Variants in SLC4A4 observed in about 807,000 individuals in gnomAD.
SLC4A4 encodes the protein electrogenic sodium bicarbonate cotransporter 1.
In SLC4A4, 27 loss-of-function variants were observed where a neutral mutation model predicts 111.5. The observed-to-expected ratio is 0.24, with a 90% CI of 0.18 to 0.33. The LOEUF (loss-of-function observed/expected upper bound fraction) is 0.33, where lower values mean the gene tolerates loss of function less well. Ranked by LOEUF, SLC4A4 falls within the 10% of genes least tolerant of loss-of-function variation. The pLI is 1.00. For synonymous variants in SLC4A4, 443 were observed against 463.4 expected, an observed-to-expected ratio of 0.96 and a Z score of 0.57; for missense variants, 909 against 1,315.5, an observed-to-expected ratio of 0.69 and a Z score of 4.78.
chr4:71,459,859 G>T (rs573124510), intron 12 of SLC4A4, among the ~76,000 whole-genome samples: 1 of 151,880 alleles, frequency 6.6e-6, no homozygotes, highest in African/African-American at 2.4e-5. Flanking sequence ...ATTTTTTGTC[G>T]TTCTGTGGGT....
intron 3 of SLC4A4, among the ~76,000 whole-genome samples, chr4:71,306,851 T>C (rs1725731157): frequency 6.6e-6 from 1 of 152,206 alleles, no homozygotes; most frequent in African/African-American, 2.4e-5. Context: ...GATGTTGCTT[T>C]TTCTTCGCCT....
At chr4:71,289,267 A>G (rs1411386509) in intron 3 of SLC4A4, among the ~76,000 whole-genome samples, 1 of 152,228 alleles carries the variant, frequency 6.6e-6, no homozygotes, top group African/African-American at 2.4e-5. Flanking sequence ...TTTTTATTGA[A>G]GAAAATGGGA....
intron 1 of SLC4A4, among the ~76,000 whole-genome samples, chr4:71,217,244 G>A (rs936603996): frequency 4.6e-5 from 7 of 152,128 alleles, no homozygotes; most frequent in Non-Finnish European, 8.8e-5. Context: ...GCAGTATAAT[G>A]GAGCAATAAA....
chr4:71,393,684 CA>C (rs1201629651), intron 6 of SLC4A4, among the ~76,000 whole-genome samples: 4 of 151,232 alleles, frequency 2.6e-5, no homozygotes, highest in South Asian at 2.1e-4. Context: ...CATATGGGAC[CA>C]AAAAAAAGCC....
chr4:71,425,731 G>T (rs1352637465), intron 7 of SLC4A4, among the ~76,000 whole-genome samples: 1 of 151,994 alleles, frequency 6.6e-6, no homozygotes. Flanking sequence ...GGTCATAGAT[G>T]GATTCCAAGA....
rs1223505841 is a variant in SLC4A4, at chr4:71,103,126, T to C, written c.-2+10334T>C. On this transcript the variant is annotated intron_variant, in intron 2 of 26. Transcript: ENST00000649996. ...AAAAGGCAGGGGTTGCAATCCTAGT[T>C]TCTGATAAAACAGACTTTAAACCAA... Among the ~76,000 whole-genome samples the C allele has an allele frequency of 6.6e-5, 10 of 151,568 alleles. No individual in the cohort carries two copies. The East Asian group carries it at 7.8e-4, about 12-fold the overall frequency.
intron 1 of SLC4A4, among the ~76,000 whole-genome samples, chr4:71,198,541 G>A (rs1265585846): frequency 1.3e-5 from 2 of 152,170 alleles, no homozygotes; most frequent in Admixed American, 1.3e-4. Context: ...AGAACACACA[G>A]AAAGTTATTT....
chr4:71,296,140 C>A (rs372552391), intron 3 of SLC4A4, among the ~76,000 whole-genome samples: 2 of 151,404 alleles, frequency 1.3e-5, no homozygotes, highest in East Asian at 3.9e-4. Context: ...CTTTTTATAC[C>A]TTATACAAAT....
chr4:71,086,598 A>G (rs1018576384), intron 1 of SLC4A4, among the ~76,000 whole-genome samples: 6 of 152,132 alleles, frequency 3.9e-5, no homozygotes, highest in Non-Finnish European at 8.8e-5. Flanking sequence ...TAATTTATTG[A>G]GAGTTTTTAG....
At chr4:71,146,610 T>A (rs991337045) in intron 2 of SLC4A4, among the ~76,000 whole-genome samples, 4 of 152,170 alleles carry the variant, frequency 2.6e-5, no homozygotes, top group African/African-American at 9.7e-5. Flanking sequence ...ACTAAGGACT[T>A]GCTTTATGAA....
At chr4:71,264,785 TA>T (rs1722114421) in intron 3 of SLC4A4, among the ~76,000 whole-genome samples, 3 of 152,260 alleles carry the variant, frequency 2.0e-5, no homozygotes, top group Admixed American at 6.5e-5. Flanking sequence ...GATTTTAGAT[TA>T]TTTTTTATTG....
chr4:71,203,561 G>A (rs1746352301), intron 1 of SLC4A4, among the ~76,000 whole-genome samples: 2 of 152,100 alleles, frequency 1.3e-5, no homozygotes, highest in African/African-American at 4.8e-5. Flanking sequence ...TTGTTAGCAT[G>A]CATGTAGGTA....
At chr4:71,475,330 C>T (rs1361889300) in intron 14 of SLC4A4, among the ~76,000 whole-genome samples, 2 of 151,718 alleles carry the variant, frequency 1.3e-5, no homozygotes, top group Non-Finnish European at 2.9e-5. Flanking sequence ...TAACATGAAA[C>T]CAAGGAAGAC....
At chr4:71,234,410 A>C (rs1719654743) in intron 1 of SLC4A4, among the ~76,000 whole-genome samples, 1 of 152,204 alleles carries the variant, frequency 6.6e-6, no homozygotes. Flanking sequence ...GAAGTTGGTA[A>C]ATGACTTGAC....
rs573606192 is a variant in SLC4A4, at chr4:71,435,758, C to A, written c.808-4858C>A. Among the ~76,000 whole-genome samples the A allele has an allele frequency of 4.6e-5, 7 of 152,242 alleles. No individual in the cohort carries two copies. In the South Asian group the frequency reaches 1.2e-3, roughly 27 times the overall value. On this transcript the variant is annotated intron_variant, in intron 7 of 25. Coordinates refer to ENST00000264485, the MANE Select transcript of SLC4A4 (RefSeq NM_001098484.3). ...TCAAAAAGTGGGCAAAGGATATGAG[C>A]AGACACTTTTCAAAAGAAGACATTT...
At chr4:71,099,526 A>C (rs1742654886) in intron 2 of SLC4A4, among the ~76,000 whole-genome samples, 1 of 152,174 alleles carries the variant, frequency 6.6e-6, no homozygotes, top group Non-Finnish European at 1.5e-5. Context: ...ATCACAACTG[A>C]AAGAATTAGA....
intron 8 of SLC4A4, among the ~76,000 whole-genome samples, chr4:71,446,998 A>C (rs1256623874): frequency 6.6e-6 from 1 of 152,232 alleles, no homozygotes; most frequent in Non-Finnish European, 1.5e-5. Flanking sequence ...TGTTTTGTGC[A>C]TTATGAAGAA....
chr4:71,309,461 C>T (rs1184175031), intron 3 of SLC4A4, among the ~76,000 whole-genome samples: 1 of 152,104 alleles, frequency 6.6e-6, no homozygotes, highest in African/African-American at 2.4e-5. Flanking sequence ...GGTTGACAGA[C>T]ACCTCATACA....
At chr4:71,178,060 A>C (rs928090871) in intron 2 of SLC4A4, among the ~76,000 whole-genome samples, 2 of 152,208 alleles carry the variant, frequency 1.3e-5, no homozygotes, top group Admixed American at 6.5e-5. Context: ...GAAACTGAAC[A>C]ACCTGCTCCT....
Sources: allele counts gnomAD v4.1 joint callset (sites outside exome capture counted in the v4.1 genomes callset), GRCh38; gene constraint gnomAD v4.1.1; transcripts MANE v1.5; gene names NCBI Gene and HGNC (gene_info 2026-07-23, HGNC 2026-07-21).